The following EDRF1 variants were observed in gnomAD, a reference collection of about 807,000 sequenced individuals.
The protein encoded by EDRF1 is erythroid differentiation regulatory factor 1.
Under a neutral mutation model 148.7 loss-of-function variants are expected in EDRF1, and 69 were observed. The observed-to-expected ratio is 0.46, with a 90% confidence interval of 0.38 to 0.57. The LOEUF is 0.57. EDRF1 is among the 20% of genes least tolerant of loss of function. EDRF1 has a pLI of 0.00. For missense variants in EDRF1, 1,118 were observed against 1,478.7 expected, an observed-to-expected ratio of 0.76 and a Z score of 4.00; for synonymous variants, 515 against 532.8, an observed-to-expected ratio of 0.97 and a Z score of 0.46.
intron 22 of EDRF1, among the ~76,000 whole-genome samples, chr10:125,750,668 A>G (rs1035051340): frequency 6.6e-5 from 10 of 152,344 alleles, no homozygotes; most frequent in Non-Finnish European, 1.3e-4. Context: ...TGGAAGGCCA[A>G]GAGGAGGGGT....
chr10:125,725,213 G>A, intron 4 of EDRF1, 105 bp from the exon 5 acceptor site: 1 of 1,343,310 alleles, frequency 7.4e-7, no homozygotes, highest in Non-Finnish European at 1.1e-6. Context: ...ATGTGTTTAT[G>A]AAACTATTCA....
chr10:125,745,631 T>C (rs1227633108), intron 18 of EDRF1, 76 bp from the exon 19 acceptor site: 1 of 1,486,664 alleles, frequency 6.7e-7, no homozygotes, highest in African/African-American at 1.4e-5. Context: ...ATCCTCCTCT[T>C]ATCTCATCAA....
intron 19 of EDRF1, among the ~76,000 whole-genome samples, chr10:125,746,453 A>G (rs1398894940): frequency 6.6e-6 from 1 of 152,274 alleles, no homozygotes; most frequent in Admixed American, 6.5e-5. Context: ...TGCTGTATAA[A>G]ATAAGAATCA....
intron 8 of EDRF1, 98 bp downstream of exon 8, chr10:125,729,577 A>C: frequency 2.9e-5 from 42 of 1,459,556 alleles, no homozygotes; most frequent in Non-Finnish European, 3.6e-5. Context: ...AGCCAAGATC[A>C]TGCTACCGCA....
chr10:125,741,884 G>C (rs190290056), intron 17 of EDRF1, among the ~76,000 whole-genome samples: 2 of 151,852 alleles, frequency 1.3e-5, no homozygotes, highest in East Asian at 3.9e-4. Flanking sequence ...TTAGAGACAG[G>C]GTTTCACCAC....
chr10:125,733,772 A>G (rs1446221509), intron 11 of EDRF1, 29 bp downstream of exon 11: 1 of 1,567,366 alleles, frequency 6.4e-7, no homozygotes, highest in Non-Finnish European at 8.8e-7. Flanking sequence ...TAAGATGAAG[A>G]AGTAGCCTAT....
At chr10:125,751,583 A>G (rs919610275) in intron 22 of EDRF1, among the ~76,000 whole-genome samples, 1 of 152,198 alleles carries the variant, frequency 6.6e-6, no homozygotes, top group Non-Finnish European at 1.5e-5. Context: ...TAGGTTGTTT[A>G]GAAAGTGTGG....
chr10:125,763,390 T>C lies in EDRF1; in HGVS notation c.3635T>C (p.Leu1212Pro). Residue 1212 changes from leucine (L) to proline (P), a missense_variant, in exon 25 of 25, where the codon CTT (leucine) becomes CCT (proline). Leu to Pro is a moderately conservative substitution (Grantham distance 98). Coordinates refer to ENST00000356792, the MANE Select transcript of EDRF1 (RefSeq NM_001202438.2). The surrounding 1 kb of genome is among the most constrained non-coding windows in gnomAD (Gnocchi z 4.3). ...GCAACTGCAAATAAAACCGCGACTC[T>C]TCTGGAAAGAATCAACGTTATCGTC... ...LRATANKTAT[L>P]LERINVIVHL... 1 of 1,613,206 alleles carries C rather than the reference T, an allele frequency of 6.2e-7. No individual in the cohort carries two copies. Among genetic ancestry groups the C allele is most frequent in the Non-Finnish European group, 8.5e-7 (1 of 1,180,032 alleles).
At chr10:125,760,881 T>C (rs1466113273) in intron 24 of EDRF1, among the ~76,000 whole-genome samples, 1 of 152,228 alleles carries the variant, frequency 6.6e-6, no homozygotes, top group Non-Finnish European at 1.5e-5. Flanking sequence ...TTATATGGCA[T>C]TGACATTGTA....
At position 125,723,883 on chromosome 10, in the gene EDRF1, ACT is replaced by A. The variant is rs1848128666; in HGVS notation, c.462_463del (p.Leu155ThrfsTer3). 6.2e-7 allele frequency: 1 copy of A among 1,613,446 alleles called. No individual in the cohort carries two copies. Among genetic ancestry groups the A allele is most frequent in the African/African-American group, 1.3e-5 (1 of 74,844 alleles). On this transcript the variant is annotated frameshift_variant, in exon 4 of 25. Coordinates refer to ENST00000356792, the MANE Select transcript of EDRF1 (RefSeq NM_001202438.2). LOFTEE classifies it high-confidence loss of function. Reference sequence around the variant, plus strand: ...CATGGCAGTACACCGCATAGGAAGGACTCTCTTACTAGATGAGCTAGATATTC... The same window carrying A: ...CATGGCAGTACACCGCATAGGAAGGACTCTTACTAGATGAGCTAGATATTC... ...VSMAVHRIGR[T>X]LLLDELDIQE...
At chr10:125,723,223 G>A (rs1419563078) in intron 3 of EDRF1, 89 bp downstream of exon 3, 4 of 1,166,402 alleles carry the variant, frequency 3.4e-6, no homozygotes, top group African/African-American at 1.5e-5. Flanking sequence ...ATATAAATGT[G>A]CAAGTCTTGA....
At position 125,740,536 on chromosome 10, in the gene EDRF1, A is replaced by G. The variant is rs1366013237; in HGVS notation, c.2055A>G (p.Lys685=). The G allele has an allele frequency of 3.1e-6, 5 of 1,613,932 alleles. No homozygotes were observed. The South Asian group carries it at 5.5e-5, about 18-fold the overall frequency. Residue 685 remains lysine (K), a synonymous_variant, in exon 16 of 25, where the codon AAA becomes AAG. Transcript: ENST00000356792. Reference sequence around the variant, plus strand: ...CTGGCTCTTGGCAACATAAAATGAAACTTCAGCTGATTCTCAAGTCATCAA... The same window carrying G: ...CTGGCTCTTGGCAACATAAAATGAAGCTTCAGCTGATTCTCAAGTCATCAA... ...MIPGSWQHKM[K]LQLILKSSKA... is the part of the protein sequence containing the mutation.
chr10:125,719,968 C>T (rs1177031577), intron 1 of EDRF1, 53 bp downstream of exon 1: 2 of 1,536,530 alleles, frequency 1.3e-6, no homozygotes, highest in African/African-American at 1.4e-5. Flanking sequence ...GGAGGACCCG[C>T]TCCACCGGGG....
intron 21 of EDRF1, chr10:125,749,098 T>G (rs1436793537): frequency 2.8e-6 from 1 of 361,250 alleles, no homozygotes; most frequent in Non-Finnish European, 5.2e-6. Flanking sequence ...ATTAAAAAAT[T>G]AGCCAAGCAG....
At chr10:125,723,750 A>T (rs1848118057) in intron 3 of EDRF1, 61 bp from the exon 4 acceptor site, 1 of 1,528,270 alleles carries the variant, frequency 6.5e-7, no homozygotes, top group Non-Finnish European at 9.0e-7. Flanking sequence ...CTAAAATTTA[A>T]AAGATTCCAA....
chr10:125,750,401 T>C (rs1313668240), intron 22 of EDRF1: 1 of 152,252 alleles, frequency 6.6e-6, no homozygotes, highest in African/African-American at 2.4e-5. Context: ...AACCACTTAA[T>C]GATTTTTCCT....
chr10:125,732,783 A>T (rs1231329695), intron 9 of EDRF1, among the ~76,000 whole-genome samples: 1 of 152,140 alleles, frequency 6.6e-6, no homozygotes, highest in Non-Finnish European at 1.5e-5. Flanking sequence ...GATGGTTAGG[A>T]GAGTGTGCAC....
intron 22 of EDRF1, among the ~76,000 whole-genome samples, chr10:125,751,035 A>G (rs1849610061): frequency 6.6e-6 from 1 of 152,148 alleles, no homozygotes; most frequent in African/African-American, 2.4e-5. Flanking sequence ...GCTCACTGCA[A>G]CCTTGACCAT....
chr10:125,749,683 G>A, intron 22 of EDRF1, 118 bp downstream of exon 22: 1 of 1,229,556 alleles, frequency 8.1e-7, no homozygotes. Context: ...TTGCCCCATA[G>A]TTAATGACTT....
Sources: gnomAD v4.1 joint callset for allele counts (sites outside exome capture counted in the v4.1 genomes callset) on GRCh38, gnomAD v4.1.1 for gene constraint, Gnocchi (gnomAD v3.1) non-coding constraint, MANE v1.5 for transcripts, NCBI Gene and HGNC (gene_info 2026-07-23, HGNC 2026-07-21) for gene names.